ZNF148: variants seen among roughly 807,000 people sequenced by gnomAD.
ZNF148 encodes the protein Beta-Enolase Repressor Factor-1.
ZNF148 carries 7 observed loss-of-function variants against 67.7 expected under a neutral mutation model. The ratio of observed to expected loss-of-function variants is 0.10; its 90% CI spans 0.06 to 0.19. ZNF148 has a LOEUF of 0.19. Ranked by LOEUF, ZNF148 falls within the 10% of genes least tolerant of loss-of-function variation. The pLI is 1.00. For missense variants in ZNF148, 583 were observed against 947.1 expected, an observed-to-expected ratio of 0.62 and a Z score of 5.05; for synonymous variants, 333 against 330.7, an observed-to-expected ratio of 1.01 and a Z score of -0.08.
intron 7 of ZNF148, among the ~76,000 whole-genome samples, chr3:125,264,230 C>T (rs1383058302): frequency 6.6e-6 from 1 of 151,138 alleles, no homozygotes; most frequent in Non-Finnish European, 1.5e-5. Flanking sequence ...CAAACTCCCT[C>T]CCCCCATGAT....
intron 1 of ZNF148, among the ~76,000 whole-genome samples, chr3:125,346,986 GAATA>G (rs906329379): frequency 2.6e-5 from 4 of 151,970 alleles, no homozygotes; most frequent in African/African-American, 9.6e-5. Context: ...AAAGCTACTA[GAATA>G]AACAAGTTCA....
chr3:125,269,848 T>TA (rs1031316109), intron 7 of ZNF148, among the ~76,000 whole-genome samples: 3 of 151,948 alleles, frequency 2.0e-5, no homozygotes, highest in Admixed American at 6.6e-5. Flanking sequence ...TGAATTAACA[T>TA]AAAAAACAGA....
chr3:125,316,512 T>C (rs1281743688), intron 3 of ZNF148, among the ~76,000 whole-genome samples: 1 of 152,230 alleles, frequency 6.6e-6, no homozygotes, highest in African/African-American at 2.4e-5. Context: ...GCATTGGTAA[T>C]TGCCTGTCTT....
In ZNF148 at chr3:125,232,174, C is replaced by T. The variant is rs1935879718; in HGVS notation, c.*167G>A. The T allele has an allele frequency of 1.1e-5, 9 of 813,880 alleles. No homozygotes were observed. The highest frequency in any genetic ancestry group is 1.4e-5 in the Non-Finnish European group (8 of 554,286). The allele number at this position is 813,880 out of a possible 1,614,324, so 50.4% of individuals were successfully genotyped here. A position where few individuals can be genotyped will look rare whatever the true frequency, so the allele number is the denominator to read the frequency against. ...TGTAAGGCAGTTCAAAGAATGCTGA[C>T]TAACCAAACGAAATGCAGTTATTGG... On this transcript the variant is annotated 3_prime_UTR_variant, in exon 9 of 9. Coordinates refer to ENST00000360647, the MANE Select transcript of ZNF148 (RefSeq NM_021964.3). This position sits in a 1 kb window ranked among gnomAD's most constrained non-coding sequence, Gnocchi z 4.2.
chr3:125,334,908 A>G (rs1394235494), intron 1 of ZNF148, among the ~76,000 whole-genome samples: 1 of 152,114 alleles, frequency 6.6e-6, no homozygotes, highest in Non-Finnish European at 1.5e-5. Flanking sequence ...AATCTCCAGC[A>G]TACAGCAGAA....
At chr3:125,279,635 G>T (rs149481264) in intron 5 of ZNF148, among the ~76,000 whole-genome samples, 1 of 151,982 alleles carries the variant, frequency 6.6e-6, no homozygotes, top group East Asian at 1.9e-4. Flanking sequence ...TCAGTATGGG[G>T]CTAATTAAAT....
At chr3:125,235,851 C>A (rs1353575897) in intron 7 of ZNF148, among the ~76,000 whole-genome samples, 2 of 146,548 alleles carry the variant, frequency 1.4e-5, no homozygotes, top group Non-Finnish European at 3.0e-5. Context: ...ATCACAAGGA[C>A]AAAAAACCAA....
At chr3:125,371,658 C>CTAA (rs1942890710) in intron 1 of ZNF148, among the ~76,000 whole-genome samples, 2 of 51,194 alleles carry the variant, frequency 3.9e-5, no homozygotes, top group Admixed American at 2.1e-4. Flanking sequence ...GACTCCGTCC[C>CTAA]AAAAAAAAAA....
intron 4 of ZNF148, among the ~76,000 whole-genome samples, chr3:125,289,794 G>T (rs995281108): frequency 6.6e-6 from 1 of 152,166 alleles, no homozygotes; most frequent in Non-Finnish European, 1.5e-5. Context: ...CAAGTGTCAA[G>T]AAGAGTGTAA....
intron 3 of ZNF148, among the ~76,000 whole-genome samples, chr3:125,316,231 T>C (rs1940486662): frequency 6.6e-6 from 1 of 152,218 alleles, no homozygotes; most frequent in Admixed American, 6.5e-5. Flanking sequence ...GTACATTTTC[T>C]TTATCCACTC....
chr3:125,263,148 T>C (rs1937416350), intron 7 of ZNF148, among the ~76,000 whole-genome samples: 1 of 152,248 alleles, frequency 6.6e-6, no homozygotes, highest in African/African-American at 2.4e-5. Flanking sequence ...ATAATTCCAT[T>C]TTGAAACTAT....
At chr3:125,329,209 T>C (rs1021024796) in intron 2 of ZNF148, among the ~76,000 whole-genome samples, 16 of 149,244 alleles carry the variant, frequency 1.1e-4, no homozygotes, top group African/African-American at 2.9e-4. Flanking sequence ...GAAAAACACA[T>C]ATATATCTGT....
intron 1 of ZNF148, among the ~76,000 whole-genome samples, chr3:125,356,454 C>T (rs1942345845): frequency 6.6e-6 from 1 of 152,060 alleles, no homozygotes; most frequent in African/African-American, 2.4e-5. Flanking sequence ...ACAGAGAAAC[C>T]CAGGACTTCC....
At chr3:125,308,490 C>A (rs1940011977) in intron 4 of ZNF148, among the ~76,000 whole-genome samples, 2 of 137,494 alleles carry the variant, frequency 1.5e-5, no homozygotes, top group Non-Finnish European at 1.5e-5. Flanking sequence ...TATACAGAAT[C>A]AATGCAATCT....
chr3:125,238,784 C>T (rs1411552257), intron 7 of ZNF148, among the ~76,000 whole-genome samples: 1 of 152,124 alleles, frequency 6.6e-6, no homozygotes, highest in Non-Finnish European at 1.5e-5. Flanking sequence ...GAATTGAAAA[C>T]ATGGATTCAA....
At chr3:125,316,008 C>G (rs1449634614) in intron 3 of ZNF148, among the ~76,000 whole-genome samples, 1 of 152,174 alleles carries the variant, frequency 6.6e-6, no homozygotes, top group African/African-American at 2.4e-5. Flanking sequence ...CCTTCCCCTT[C>G]TCAGCCTCTA....
At chr3:125,298,722 T>G (rs1265560738) in intron 4 of ZNF148, among the ~76,000 whole-genome samples, 1 of 150,182 alleles carries the variant, frequency 6.7e-6, no homozygotes, top group Non-Finnish European at 1.5e-5. Context: ...CCTCCCAGGT[T>G]CATGCCATTC....
intron 4 of ZNF148, among the ~76,000 whole-genome samples, chr3:125,295,823 T>C (rs1007093569): frequency 3.3e-5 from 5 of 152,138 alleles, no homozygotes; most frequent in African/African-American, 1.2e-4. Flanking sequence ...AACTCATCTG[T>C]TAATTGGCAG....
intron 7 of ZNF148, among the ~76,000 whole-genome samples, chr3:125,274,058 A>C (rs1179220020): frequency 2.6e-5 from 4 of 152,252 alleles, no homozygotes; most frequent in Non-Finnish European, 2.9e-5. Flanking sequence ...AGAAAATAAC[A>C]CAACTATGGA....
Sources: allele counts gnomAD v4.1 joint callset (sites outside exome capture counted in the v4.1 genomes callset), GRCh38; gene constraint gnomAD v4.1.1; non-coding constraint Gnocchi (gnomAD v3.1); transcripts MANE v1.5; gene names NCBI Gene and HGNC (gene_info 2026-07-23, HGNC 2026-07-21).